CSMD1: variants seen among roughly 807,000 people sequenced by gnomAD.
The protein encoded by CSMD1 is CUB and sushi domain-containing protein 1.
CSMD1 carries 213 observed loss-of-function variants against 417.5 expected under a neutral mutation model. The observed-to-expected ratio is 0.51, with a 90% CI of 0.46 to 0.57. The LOEUF is 0.57. Ranked by LOEUF, CSMD1 falls within the 20% of genes least tolerant of loss-of-function variation. CSMD1 has a pLI of 0.00. For synonymous variants in CSMD1, 2,862 were observed against 1,736.8 expected, an observed-to-expected ratio of 1.65 and a Z score of -16.11; for missense variants, 6,923 against 4,529.7, an observed-to-expected ratio of 1.53 and a Z score of -15.17.
intron 6 of CSMD1, among the ~76,000 whole-genome samples, chr8:3,719,930 A>G (rs1451554836): frequency 6.6e-6 from 1 of 152,180 alleles, no homozygotes; most frequent in East Asian, 1.9e-4. Context: ...TCTAAATCGC[A>G]GATTCCTCGT....
At chr8:3,842,467 C>T (rs911919383) in intron 5 of CSMD1, among the ~76,000 whole-genome samples, 2 of 152,008 alleles carry the variant, frequency 1.3e-5, no homozygotes, top group East Asian at 1.9e-4. Context: ...TCTCATTGTT[C>T]ATTACTAGTA....
chr8:4,471,821 T>C (rs941291118), intron 2 of CSMD1, among the ~76,000 whole-genome samples: 1 of 152,146 alleles, frequency 6.6e-6, no homozygotes, highest in Non-Finnish European at 1.5e-5. Flanking sequence ...GGCAGGTGTG[T>C]CTAATGACTA....
intron 1 of CSMD1, among the ~76,000 whole-genome samples, chr8:4,939,988 G>C (rs1007448613): frequency 2.6e-5 from 4 of 152,114 alleles, no homozygotes; most frequent in Admixed American, 2.0e-4. Context: ...CTTCAGAGTA[G>C]GGTTATTGGG....
intron 2 of CSMD1, among the ~76,000 whole-genome samples, chr8:4,447,265 C>A (rs780880965): frequency 2.0e-5 from 3 of 152,102 alleles, no homozygotes; most frequent in Non-Finnish European, 4.4e-5. Context: ...AGGTTAGATA[C>A]AACTAAAGCA....
intron 25 of CSMD1, among the ~76,000 whole-genome samples, chr8:3,288,528 C>T (rs1439869805): frequency 1.4e-5 from 2 of 147,002 alleles, no homozygotes; most frequent in African/African-American, 2.7e-5. Context: ...TTAGTCTTGG[C>T]AGGATGTATG....
chr8:4,210,187 G>A (rs535784566), intron 3 of CSMD1, among the ~76,000 whole-genome samples: 1 of 152,176 alleles, frequency 6.6e-6, no homozygotes, highest in Admixed American at 6.5e-5. Context: ...CCATCTGTGG[G>A]AGCTCCTTCA....
At chr8:3,818,493 G>A (rs1428229987) in intron 5 of CSMD1, among the ~76,000 whole-genome samples, 1 of 152,148 alleles carries the variant, frequency 6.6e-6, no homozygotes, top group East Asian at 1.9e-4. Context: ...GCTTTCTTAG[G>A]CATGAGAGAT....
At chr8:3,033,766 T>C (rs574061778) in intron 50 of CSMD1, among the ~76,000 whole-genome samples, 11 of 151,998 alleles carry the variant, frequency 7.2e-5, no homozygotes, top group African/African-American at 2.7e-4. Context: ...TAAAGTAAAA[T>C]AAAAATAAAA....
At chr8:3,179,900 G>C (rs1033136848) in intron 37 of CSMD1, among the ~76,000 whole-genome samples, 40 of 152,128 alleles carry the variant, frequency 2.6e-4, no homozygotes, top group Non-Finnish European at 8.8e-5. Context: ...CCCATAATAA[G>C]CAGGAAAATT....
At chr8:3,824,108 T>C (rs1191095538) in intron 5 of CSMD1, among the ~76,000 whole-genome samples, 1 of 152,186 alleles carries the variant, frequency 6.6e-6, no homozygotes, top group Non-Finnish European at 1.5e-5. Flanking sequence ...ATTAGTCTCC[T>C]CATGCTATGT....
At chr8:3,305,477 C>T (rs1342895236) in intron 25 of CSMD1, among the ~76,000 whole-genome samples, 7 of 152,044 alleles carry the variant, frequency 4.6e-5, no homozygotes, top group South Asian at 2.1e-4. Context: ...GGGATTAATG[C>T]TGTTATCATG....
intron 5 of CSMD1, among the ~76,000 whole-genome samples, chr8:3,883,262 A>T (rs1231921882): frequency 6.6e-6 from 1 of 152,146 alleles, no homozygotes; most frequent in Non-Finnish European, 1.5e-5. Context: ...TTAAATATTG[A>T]GATAAAGTAT....
At chr8:4,316,477 C>A (rs865809926) in intron 3 of CSMD1, among the ~76,000 whole-genome samples, 7 of 152,044 alleles carry the variant, frequency 4.6e-5, no homozygotes, top group African/African-American at 1.2e-4. Flanking sequence ...TGCTGAAAAC[C>A]TCAACGATTT....
chr8:4,803,827 T>C (rs1320873927), intron 1 of CSMD1, among the ~76,000 whole-genome samples: 1 of 152,324 alleles, frequency 6.6e-6, no homozygotes, highest in Non-Finnish European at 1.5e-5. Context: ...AGAATATCCT[T>C]GACACAGTAA....
At chr8:3,537,300 G>T (rs552759909) in intron 10 of CSMD1, among the ~76,000 whole-genome samples, 8 of 152,306 alleles carry the variant, frequency 5.3e-5, no homozygotes, top group African/African-American at 1.7e-4. Flanking sequence ...ATCATGCCCG[G>T]CCCGCAAACT....
intron 5 of CSMD1, among the ~76,000 whole-genome samples, chr8:3,990,274 G>T (rs1359137303): frequency 6.6e-6 from 1 of 152,100 alleles, no homozygotes; most frequent in African/African-American, 2.4e-5. Context: ...ATTGCCTACA[G>T]CTTAAATAAT....
chr8:3,860,611 G>C (rs894680407), intron 5 of CSMD1, among the ~76,000 whole-genome samples: 4 of 152,168 alleles, frequency 2.6e-5, no homozygotes, highest in African/African-American at 9.6e-5. Context: ...ATGAACATAA[G>C]AGACACTATT....
chr8:3,738,065 T>C (rs751251839), intron 6 of CSMD1, among the ~76,000 whole-genome samples: 6 of 152,238 alleles, frequency 3.9e-5, no homozygotes, highest in Non-Finnish European at 8.8e-5. Flanking sequence ...AACACTAATG[T>C]AAATGATTAC....
chr8:3,996,002 A>C (rs1041651237), intron 5 of CSMD1, among the ~76,000 whole-genome samples: 1 of 152,168 alleles, frequency 6.6e-6, no homozygotes, highest in African/African-American at 2.4e-5. Flanking sequence ...ATCTGTGCTG[A>C]TACTCTCTAT....
Sources: allele counts gnomAD v4.1 joint callset (sites outside exome capture counted in the v4.1 genomes callset), GRCh38; gene constraint gnomAD v4.1.1; transcripts MANE v1.5; gene names NCBI Gene and HGNC (gene_info 2026-07-23, HGNC 2026-07-21).